Variants in PLCH1 observed in about 807,000 individuals in gnomAD.
PLCH1 encodes 1-phosphatidylinositol 4,5-bisphosphate phosphodiesterase eta-1.
In PLCH1, 60 loss-of-function variants were observed where a neutral mutation model predicts 126.7. The observed-to-expected ratio is 0.47, with a 90% confidence interval of 0.38 to 0.59. PLCH1 has a LOEUF of 0.59. Among genes scored for constraint, PLCH1 ranks in the 20% least tolerant of loss-of-function variants. The pLI, the probability that PLCH1 is intolerant of heterozygous loss-of-function variation, is 0.00. For missense variants in PLCH1, 1,723 were observed against 2,040.0 expected (o/e 0.84, Z 2.99); for synonymous variants, 719 against 734.9 (o/e 0.98, Z 0.35).
intron 2 of PLCH1, among the ~76,000 whole-genome samples, chr3:155,657,246 G>A (rs1741508886): frequency 6.6e-6 from 1 of 152,166 alleles, no homozygotes; most frequent in Non-Finnish European, 1.5e-5. Flanking sequence ...ATCTCTGAGA[G>A]ACAGGAACCA....
At chr3:155,484,556 T>C (rs550073440) in intron 22 of PLCH1, among the ~76,000 whole-genome samples, 2 of 152,354 alleles carry the variant, frequency 1.3e-5, no homozygotes, top group South Asian at 2.1e-4. Flanking sequence ...TTGTCTGAGA[T>C]GATTCTGATT....
chr3:155,504,679 T>C, intron 12 of PLCH1, 53 bp from the exon 13 acceptor site: 1 of 1,284,482 alleles, frequency 7.8e-7, no homozygotes. Flanking sequence ...TTTTGTCTTT[T>C]TCCTTAGTTC....
At chr3:155,619,797 T>G (rs1736238452) in intron 2 of PLCH1, among the ~76,000 whole-genome samples, 1 of 152,090 alleles carries the variant, frequency 6.6e-6, no homozygotes, top group Non-Finnish European at 1.5e-5. Flanking sequence ...GGAAATCAAG[T>G]TGTGTGGCAT....
At chr3:155,650,969 C>T (rs1740645635) in intron 2 of PLCH1, among the ~76,000 whole-genome samples, 1 of 151,626 alleles carries the variant, frequency 6.6e-6, no homozygotes, top group Non-Finnish European at 1.5e-5. Flanking sequence ...ATCTGGAAGG[C>T]GGAGGTTGCA....
At chr3:155,465,814 G>A (rs924198435) in intron 21 of PLCH1, among the ~76,000 whole-genome samples, 5 of 152,208 alleles carry the variant, frequency 3.3e-5, no homozygotes, top group African/African-American at 9.6e-5. Flanking sequence ...GAGACCCTTC[G>A]GGCTTAAGGG....
intron 13 of PLCH1, 80 bp from the exon 14 acceptor site, chr3:155,500,874 TA>T (rs1183009002): frequency 1.1e-6 from 1 of 895,224 alleles, no homozygotes; most frequent in Non-Finnish European, 1.8e-6. Context: ...AGCTGGGCTT[TA>T]AAATGCACAT....
rs768041727 is a variant in PLCH1, at chr3:155,482,010, T to C, written c.4016A>G (p.Asp1339Gly). Reference protein sequence around the residue: ...PDLTLEDVIADPTLCFNSGES... With the variant: ...PDLTLEDVIAGPTLCFNSGES... Reference sequence around the variant, plus strand: ...CCCAGAATTGAAACAGAGAGTGGGATCAGCTATTACATCCTCCAGGGTCAA... The same window carrying C: ...CCCAGAATTGAAACAGAGAGTGGGACCAGCTATTACATCCTCCAGGGTCAA... Residue 1339 changes from aspartate to glycine, a missense_variant, in exon 23 of 23, where the codon GAT (aspartate) becomes GGT (glycine). By Grantham distance (94) the Asp-to-Gly change is moderately conservative. Around this residue, in one of 2 missense-constraint regions of PLCH1, gnomAD observed 947 missense variants for 977.1 expected, o/e 0.97. Coordinates refer to ENST00000460012, the MANE Select transcript of PLCH1 (RefSeq NM_014996.4). 2.4e-5 allele frequency: 38 copies of C among 1,614,036 alleles called. No individual in the cohort carries two copies. In the South Asian group the frequency reaches 4.2e-4, roughly 18 times the overall value.
Position 155,680,150 on chromosome 3 carries a change from T to C in PLCH1, c.79+23996A>G, listed in dbSNP as rs1450872123. 2.0e-5 allele frequency among the ~76,000 whole-genome samples: 3 copies of C among 152,128 alleles called. No homozygotes were observed. The East Asian group carries it at 5.8e-4, about 29-fold the overall frequency. ...CTGTAATCCCAGCACATTGGGAGGCTGAGGAGGGCAGATCACAAGGTCAGG... is the reference window on the plus strand; with the variant it reads ...CTGTAATCCCAGCACATTGGGAGGCCGAGGAGGGCAGATCACAAGGTCAGG... On this transcript the variant is annotated intron_variant, in intron 2 of 22. Coordinates refer to ENST00000460012, the MANE Select transcript of PLCH1 (RefSeq NM_014996.4).
At chr3:155,455,241 C>A (rs934990156) in intron 21 of PLCH1, among the ~76,000 whole-genome samples, 1 of 152,142 alleles carries the variant, frequency 6.6e-6, no homozygotes, top group African/African-American at 2.4e-5. Context: ...AAGCCACAAC[C>A]CTCACCCTGC....
At chr3:155,699,380 T>C (rs1278987312) in intron 2 of PLCH1, among the ~76,000 whole-genome samples, 1 of 152,204 alleles carries the variant, frequency 6.6e-6, no homozygotes, top group Non-Finnish European at 1.5e-5. Flanking sequence ...CCCAGCCTGA[T>C]ACTTTTAATC....
At chr3:155,632,403 T>C (rs1738161206) in intron 2 of PLCH1, among the ~76,000 whole-genome samples, 1 of 152,212 alleles carries the variant, frequency 6.6e-6, no homozygotes, top group South Asian at 2.1e-4. Flanking sequence ...CAAGTATCTA[T>C]TACCTTCTAG....
At position 155,469,734 on chromosome 3, in the gene PLCH1, C is replaced by T. The variant is rs547111305; in HGVS notation, c.2938+15622G>A. The stretch of plus-strand genomic sequence containing the variant: ...CAGCACGCAGCTGGAGATCTGAGAA[C>T]GGGCAGACTGCCTCCTCAAGTGGGT... On this transcript the variant is annotated intron_variant, in intron 21 of 21. Transcript: ENST00000494598. 3.9e-4 allele frequency among the ~76,000 whole-genome samples: 59 copies of T among 149,640 alleles called. No individual in the cohort carries two copies. The East Asian group carries it at 7.1e-3, about 18-fold the overall frequency.
chr3:155,668,992 A>G (rs981227449), intron 2 of PLCH1, among the ~76,000 whole-genome samples: 1 of 152,184 alleles, frequency 6.6e-6, no homozygotes, highest in Non-Finnish European at 1.5e-5. Flanking sequence ...ATAACTGGGG[A>G]CATAAATGGT....
At chr3:155,660,613 T>G (rs998369034) in intron 2 of PLCH1, among the ~76,000 whole-genome samples, 8 of 152,188 alleles carry the variant, frequency 5.3e-5, no homozygotes, top group Admixed American at 3.3e-4. Flanking sequence ...CTCCTGAACT[T>G]TAGCTGAATA....
intron 1 of PLCH1, among the ~76,000 whole-genome samples, chr3:155,733,943 A>G (rs1748958101): frequency 1.7e-5 from 1 of 59,170 alleles, no homozygotes; most frequent in Admixed American, 1.3e-4. Flanking sequence ...ACATATATAT[A>G]TATATATATA....
chr3:155,634,718 C>A (rs1013356445), intron 2 of PLCH1, among the ~76,000 whole-genome samples: 1 of 152,190 alleles, frequency 6.6e-6, no homozygotes, highest in Non-Finnish European at 1.5e-5. Context: ...AGCCCCTCTA[C>A]CAAAAGCCAA....
At chr3:155,589,506 G>T (rs359561) in intron 4 of PLCH1, among the ~76,000 whole-genome samples, 2 of 151,840 alleles carry the variant, frequency 1.3e-5, no homozygotes, top group African/African-American at 2.4e-5. Context: ...CTCCTGGATT[G>T]GGAGTGGGCC....
chr3:155,505,201 G>A (rs755065431), intron 12 of PLCH1, among the ~76,000 whole-genome samples: 3 of 152,110 alleles, frequency 2.0e-5, no homozygotes, highest in South Asian at 2.1e-4. Flanking sequence ...TTATGTGTTC[G>A]TTGAAATAAT....
At chr3:155,456,473 A>G (rs542429639) in intron 21 of PLCH1, among the ~76,000 whole-genome samples, 2 of 152,274 alleles carry the variant, frequency 1.3e-5, no homozygotes, top group South Asian at 4.1e-4. Context: ...AAGGTGCCCA[A>G]ATCCTCTTTT....
Sources: allele counts gnomAD v4.1 joint callset (sites outside exome capture counted in the v4.1 genomes callset), GRCh38; gene constraint gnomAD v4.1.1; regional missense constraint gnomAD v4.1.1; transcripts MANE v1.5; gene names NCBI Gene and HGNC (gene_info 2026-07-23, HGNC 2026-07-21).